Variants in NTRK3 observed in about 807,000 individuals in gnomAD.
NTRK3 encodes the protein NT-3 growth factor receptor.
NTRK3 carries 24 observed loss-of-function variants against 91.7 expected under a neutral mutation model. That is an observed-to-expected ratio of 0.26 (90% CI 0.19 to 0.37). NTRK3 has a LOEUF of 0.37. NTRK3 is among the 10% of genes least tolerant of loss of function. The pLI is 1.00. For synonymous variants in NTRK3, 483 were observed against 404.0 expected (o/e 1.20, Z -2.34); for missense variants, 880 against 1,068.9 (o/e 0.82, Z 2.46).
Position 88,233,258 on chromosome 15 carries a change from G to A in NTRK3, c.248+22648C>T, listed in dbSNP as rs963604802. ...CCCCCGCCCCCAGTGTAATCTCTCA[G>A]TATCCAGGACTTCATTTGCAGAGAT... On this transcript the variant is annotated intron_variant, in intron 3 of 18. Coordinates refer to ENST00000394480, the Ensembl canonical transcript of NTRK3. This position sits in a 1 kb window ranked among gnomAD's most constrained non-coding sequence, Gnocchi z 4.2. 2.6e-5 allele frequency among the ~76,000 whole-genome samples: 4 copies of A among 152,122 alleles called. No individual in the cohort carries two copies. The highest frequency in any genetic ancestry group is 4.4e-5 in the Non-Finnish European group (3 of 68,024).
At chr15:87,942,550 T>C (rs923682274) in intron 14 of NTRK3, among the ~76,000 whole-genome samples, 1 of 152,162 alleles carries the variant, frequency 6.6e-6, no homozygotes, top group Non-Finnish European at 1.5e-5. Flanking sequence ...GTGAGTGTCC[T>C]GGCACGGCCT....
At chr15:87,913,557 G>A (rs1466589361) in intron 17 of NTRK3, among the ~76,000 whole-genome samples, 1 of 152,062 alleles carries the variant, frequency 6.6e-6, no homozygotes, top group South Asian at 2.1e-4. Flanking sequence ...TCCACTCTGG[G>A]CAATCACCAG....
intron 15 of NTRK3, among the ~76,000 whole-genome samples, chr15:87,938,410 G>C (rs2069499605): frequency 6.6e-6 from 1 of 152,176 alleles, no homozygotes; most frequent in African/African-American, 2.4e-5. Context: ...AAGGAGGGGA[G>C]GAAGCAGGAA....
intron 17 of NTRK3, among the ~76,000 whole-genome samples, chr15:87,888,488 A>C (rs1172358652): frequency 6.6e-6 from 1 of 152,170 alleles, no homozygotes; most frequent in African/African-American, 2.4e-5. Flanking sequence ...GCCTATTCCC[A>C]AATCTGGCCA....
intron 13 of NTRK3, among the ~76,000 whole-genome samples, chr15:88,059,078 AC>A (rs2045978674): frequency 6.6e-6 from 1 of 151,862 alleles, no homozygotes; most frequent in African/African-American, 2.4e-5. Flanking sequence ...ACACACACAC[AC>A]AGCCCTCTGG....
At chr15:88,176,959 C>T (rs1404290561) in intron 5 of NTRK3, among the ~76,000 whole-genome samples, 5 of 152,118 alleles carry the variant, frequency 3.3e-5, no homozygotes, top group East Asian at 3.9e-4. Flanking sequence ...GGAGGCCTTG[C>T]TAAGAAAGTA....
chr15:88,011,188 G>A (rs760166775), intron 14 of NTRK3, among the ~76,000 whole-genome samples: 2 of 152,096 alleles, frequency 1.3e-5, no homozygotes, highest in African/African-American at 4.8e-5. Context: ...GCTCCTGAGT[G>A]TCCCCAGAAA....
chr15:87,908,353 G>C (rs1000946128), intron 17 of NTRK3: 1 of 396,276 alleles, frequency 2.5e-6, no homozygotes, highest in Non-Finnish European at 4.4e-6. Flanking sequence ...GATGCTCCAC[G>C]GTGGGAGGCA....
intron 17 of NTRK3, among the ~76,000 whole-genome samples, chr15:87,894,859 T>A (rs2066031222): frequency 6.6e-6 from 1 of 152,178 alleles, no homozygotes; most frequent in Non-Finnish European, 1.5e-5. Context: ...CTAAGACTAT[T>A]CTGAGTTGTG....
chr15:87,874,399 C>T (rs142133577), exon 19 of NTRK3: 10 of 229,740 alleles, frequency 4.4e-5, no homozygotes, highest in Middle Eastern at 1.3e-3. Flanking sequence ...CTGACAACTG[C>T]GGTCTCCTTC....
intron 13 of NTRK3, among the ~76,000 whole-genome samples, chr15:88,037,672 A>G (rs2079187054): frequency 6.6e-6 from 1 of 152,264 alleles, no homozygotes; most frequent in Non-Finnish European, 1.5e-5. Context: ...AACGTGTTGG[A>G]AAATGTGTAG....
At chr15:88,144,722 C>T (rs1037187687) in intron 6 of NTRK3, among the ~76,000 whole-genome samples, 1 of 152,162 alleles carries the variant, frequency 6.6e-6, no homozygotes, top group Admixed American at 6.5e-5. Context: ...ACTGCTACCT[C>T]CCTGTAGGAT....
exon 19 of NTRK3, chr15:87,874,845 TC>T (rs1468526539): frequency 4.3e-5 from 10 of 231,322 alleles, no homozygotes; most frequent in African/African-American, 2.2e-4. Flanking sequence ...GCAAAGGAGT[TC>T]CTTGAGGTGG....
chr15:87,920,813 G>C (rs2067804670), intron 17 of NTRK3, among the ~76,000 whole-genome samples: 1 of 152,116 alleles, frequency 6.6e-6, no homozygotes, highest in Non-Finnish European at 1.5e-5. Flanking sequence ...AGAGACTGTG[G>C]GCAATGGGGG....
At chr15:88,030,220 T>C (rs2078399497) in intron 14 of NTRK3, among the ~76,000 whole-genome samples, 1 of 152,238 alleles carries the variant, frequency 6.6e-6, no homozygotes, top group South Asian at 2.1e-4. Flanking sequence ...CAACCTTTTC[T>C]TGTTTACACT....
chr15:88,135,792 T>C (rs916953188), intron 9 of NTRK3, 107 bp downstream of exon 9: 89 of 1,427,388 alleles, frequency 6.2e-5, no homozygotes, highest in Non-Finnish European at 8.5e-5. Flanking sequence ...TACTGGTAGA[T>C]CAGCTCACTG....
intron 5 of NTRK3, among the ~76,000 whole-genome samples, chr15:88,181,849 C>G (rs1036865085): frequency 6.6e-6 from 1 of 152,228 alleles, no homozygotes; most frequent in Non-Finnish European, 1.5e-5. Flanking sequence ...CGTGACCCCA[C>G]CTGGTCCACC....
At chr15:88,094,238 G>A (rs746990430) in intron 13 of NTRK3, among the ~76,000 whole-genome samples, 20 of 151,516 alleles carry the variant, frequency 1.3e-4, no homozygotes, top group Middle Eastern at 3.2e-3. Context: ...AGGCTGAGGC[G>A]GGTGGATCAT....
At position 87,981,148 on chromosome 15, in the gene NTRK3, T is replaced by A. The variant is rs879116823; in HGVS notation, c.1586-40395A>T. The A allele has an allele frequency of 4.5e-6, 7 of 1,549,450 alleles. No homozygotes were observed. The South Asian group carries it at 8.3e-5, about 18-fold the overall frequency. On this transcript the variant is annotated intron_variant, in intron 14 of 18. Coordinates refer to ENST00000394480, the Ensembl canonical transcript of NTRK3. ...ACGAAATATATGGAGGCTTGATGAG[T>A]CTTAAGGTCTTAAGAACCAAAATTG... is the stretch of plus-strand genomic sequence containing the variant.
Sources: allele counts gnomAD v4.1 joint callset (sites outside exome capture counted in the v4.1 genomes callset), GRCh38; gene constraint gnomAD v4.1.1; non-coding constraint Gnocchi (gnomAD v3.1); transcripts MANE v1.5; gene names NCBI Gene and HGNC (gene_info 2026-07-23, HGNC 2026-07-21).